The following FAM227B variants were observed in gnomAD, a reference collection of about 807,000 sequenced individuals.
FAM227B encodes protein FAM227B.
A neutral mutation model predicts 73.8 loss-of-function variants in FAM227B; 88 were observed. The ratio of observed to expected loss-of-function variants is 1.19; its 90% CI spans 1.00 to 1.42. The LOEUF is 1.42. FAM227B is among the 40% of genes most tolerant of loss of function. FAM227B has a pLI of 0.00. For synonymous variants in FAM227B, 210 were observed against 190.5 expected, an observed-to-expected ratio of 1.10 and a Z score of -0.84; for missense variants, 632 against 590.9, an observed-to-expected ratio of 1.07 and a Z score of -0.72.
chr15:49,600,571 C>T (rs1047614067), intron 3 of FAM227B, among the ~76,000 whole-genome samples: 2 of 150,318 alleles, frequency 1.3e-5, no homozygotes, highest in African/African-American at 4.9e-5. Context: ...GGGAGAATCT[C>T]TTGAACCCGG....
chr15:49,342,885 G>A (rs1476287670), intron 13 of FAM227B, among the ~76,000 whole-genome samples: 3 of 152,142 alleles, frequency 2.0e-5, no homozygotes, highest in African/African-American at 7.2e-5. Context: ...GGTTTTTGCT[G>A]AGAAGTCTGC....
intron 13 of FAM227B, among the ~76,000 whole-genome samples, chr15:49,359,078 A>C (rs1375552911): frequency 6.6e-6 from 1 of 152,118 alleles, no homozygotes; most frequent in Non-Finnish European, 1.5e-5. Flanking sequence ...ACCTTATACA[A>C]AAATCAATTC....
At chr15:49,599,290 T>A (rs923104421) in intron 3 of FAM227B, among the ~76,000 whole-genome samples, 4 of 152,098 alleles carry the variant, frequency 2.6e-5, no homozygotes, top group African/African-American at 4.8e-5. Flanking sequence ...CTTCAATGTC[T>A]CCTCTTTCAT....
intron 11 of FAM227B, among the ~76,000 whole-genome samples, chr15:49,414,696 A>T (rs1015639811): frequency 1.3e-5 from 2 of 152,122 alleles, no homozygotes; most frequent in African/African-American, 4.8e-5. Context: ...GTGAACTATA[A>T]CAATAACTTG....
At chr15:49,578,950 T>G (rs1178189585) in intron 5 of FAM227B, among the ~76,000 whole-genome samples, 1 of 152,076 alleles carries the variant, frequency 6.6e-6, no homozygotes, top group Non-Finnish European at 1.5e-5. Context: ...TTTAAGCCAC[T>G]GGAACAACTC....
At chr15:49,364,011 G>A (rs1044981785) in intron 13 of FAM227B, among the ~76,000 whole-genome samples, 14 of 152,060 alleles carry the variant, frequency 9.2e-5, no homozygotes, top group African/African-American at 1.2e-4. Context: ...GCTGGATTCC[G>A]TTCGCTAGTA....
Position 49,407,467 on chromosome 15 carries a change from G to A in FAM227B, c.1013-36068C>T, listed in dbSNP as rs139032475. 3.1e-3 allele frequency among the ~76,000 whole-genome samples: 466 copies of A among 152,122 alleles called. 3 individuals carry two copies. Among genetic ancestry groups the A allele is most frequent in the Middle Eastern group, 0.024 (7 of 292 alleles). Reference sequence around the variant, plus strand: ...CTGAAGATCTGTTAGGAATACACCAGTCATCTCAGTCCCTCGGTGGCAGCT... The same window carrying A: ...CTGAAGATCTGTTAGGAATACACCAATCATCTCAGTCCCTCGGTGGCAGCT... On this transcript the variant is annotated intron_variant, in intron 11 of 15. Transcript: ENST00000299338.
intron 10 of FAM227B, 58 bp downstream of exon 10, chr15:49,541,622 C>G (rs186028856): frequency 7.6e-7 from 1 of 1,317,016 alleles, no homozygotes; most frequent in East Asian, 2.8e-5. Flanking sequence ...TAAAATACTG[C>G]AACCCCAAAA....
intron 11 of FAM227B, among the ~76,000 whole-genome samples, chr15:49,389,925 CA>C (rs1310215253): frequency 6.6e-6 from 1 of 151,964 alleles, no homozygotes; most frequent in Non-Finnish European, 1.5e-5. Flanking sequence ...GTCATAGACT[CA>C]GTTCTGGCCG....
intron 11 of FAM227B, among the ~76,000 whole-genome samples, chr15:49,379,194 T>C (rs1273695079): frequency 2.0e-5 from 3 of 152,150 alleles, no homozygotes; most frequent in African/African-American, 7.2e-5. Flanking sequence ...TAATTTCTAA[T>C]GTATTGTTTG....
At position 49,450,010 on chromosome 15, in the gene FAM227B, T is replaced by C. The variant is rs80184035; in HGVS notation, c.1012+58201A>G. Among the ~76,000 whole-genome samples the C allele has an allele frequency of 3.8e-3, 571 of 152,184 alleles. 6 individuals are homozygous for C. Among genetic ancestry groups the C allele is most frequent in the Non-Finnish European group, 5.5e-3 (374 of 67,978 alleles). On this transcript the variant is annotated intron_variant, in intron 11 of 15. Transcript: ENST00000299338. ...GACTGTGATGCGCCATTCATACAAATGTGGTTGCATGAGCCCGTAAGGAAT... is the reference window on the plus strand; with the variant it reads ...GACTGTGATGCGCCATTCATACAAACGTGGTTGCATGAGCCCGTAAGGAAT...
Position 49,447,756 on chromosome 15 carries a change from A to G in FAM227B, c.1012+60455T>C, listed in dbSNP as rs190939507. ...TTTTATGTGGAATGACTTTGTCCTC[A>G]TTACTGCTTGCTCCAAACTAATTCA... On this transcript the variant is annotated intron_variant, in intron 11 of 15. Transcript: ENST00000299338. Among the ~76,000 whole-genome samples, 167 of 151,844 alleles carry G rather than the reference A, an allele frequency of 1.1e-3. 1 individual carries two copies. The highest frequency in any genetic ancestry group is 3.4e-3 in the Middle Eastern group (1 of 294).
intron 9 of FAM227B, among the ~76,000 whole-genome samples, chr15:49,544,141 A>G (rs1348961868): frequency 3.9e-5 from 6 of 151,918 alleles, no homozygotes; most frequent in Non-Finnish European, 2.9e-5. Context: ...ATGTGTTTTT[A>G]TTTGTTTGTC....
intron 11 of FAM227B, among the ~76,000 whole-genome samples, chr15:49,383,195 A>G (rs1329812348): frequency 6.6e-6 from 1 of 152,160 alleles, no homozygotes; most frequent in Non-Finnish European, 1.5e-5. Flanking sequence ...GAAGTCTACA[A>G]AAGATGAGAT....
chr15:49,423,705 G>T (rs1467437259), intron 11 of FAM227B, among the ~76,000 whole-genome samples: 1 of 152,152 alleles, frequency 6.6e-6, no homozygotes, highest in Admixed American at 6.6e-5. Flanking sequence ...AGTCTAGGGA[G>T]AAAGCAGTTA....
chr15:49,558,938 C>T (rs1474595773), intron 9 of FAM227B, among the ~76,000 whole-genome samples: 3 of 152,062 alleles, frequency 2.0e-5, no homozygotes, highest in Non-Finnish European at 4.4e-5. Context: ...CCCCCGCCCA[C>T]CCACCATTTA....
At chr15:49,584,034 C>T (rs2152393084) in intron 5 of FAM227B, among the ~76,000 whole-genome samples, 1 of 152,246 alleles carries the variant, frequency 6.6e-6, no homozygotes, top group Non-Finnish European at 1.5e-5. Context: ...CATCCTGTCA[C>T]TAAAACCGGG....
At chr15:49,522,629 T>C (rs570530950) in intron 10 of FAM227B, among the ~76,000 whole-genome samples, 1 of 152,166 alleles carries the variant, frequency 6.6e-6, no homozygotes, top group South Asian at 2.1e-4. Flanking sequence ...TCTGAAAGAA[T>C]TTCAAAATAC....
chr15:49,406,775 C>T (rs576991185), intron 11 of FAM227B, among the ~76,000 whole-genome samples: 23 of 152,086 alleles, frequency 1.5e-4, no homozygotes, highest in East Asian at 1.9e-4. Context: ...GCATGTGTGC[C>T]GGTACATGTT....
Sources: allele counts gnomAD v4.1 joint callset (sites outside exome capture counted in the v4.1 genomes callset), GRCh38; gene constraint gnomAD v4.1.1; transcripts MANE v1.5; gene names NCBI Gene and HGNC (gene_info 2026-07-23, HGNC 2026-07-21).